MYO1C: variants seen among roughly 807,000 people sequenced by gnomAD.
The protein encoded by MYO1C is unconventional myosin-Ic.
A neutral mutation model predicts 150.8 loss-of-function variants in MYO1C; 104 were observed. The ratio of observed to expected loss-of-function variants is 0.69; its 90% CI spans 0.59 to 0.81. The LOEUF (loss-of-function observed/expected upper bound fraction) is 0.81. MYO1C is among the 30% of genes least tolerant of loss of function. The pLI, the probability that MYO1C is intolerant of heterozygous loss-of-function variation, is 0.00. For missense variants in MYO1C, 1,504 were observed against 1,435.0 expected (o/e 1.05, Z -0.78); for synonymous variants, 663 against 579.9 (o/e 1.14, Z -2.06).
At chr17:1,473,285 G>A (rs139093020) in intron 17 of MYO1C, among the ~76,000 whole-genome samples, 282 of 152,222 alleles carry the variant, frequency 1.9e-3, no homozygotes, top group African/African-American at 6.5e-3. Context: ...AGCCTGGAGG[G>A]GCAGACCAAG....
intron 19 of MYO1C, 64 bp from the exon 20 acceptor site, chr17:1,471,400 G>T (rs1598326207): frequency 9.9e-6 from 14 of 1,408,570 alleles, no homozygotes; most frequent in Non-Finnish European, 1.3e-5. Context: ...ACCCCAATCA[G>T]CTTTCTCTGG....
chr17:1,479,485 G>T lies in MYO1C; in HGVS notation c.1038C>A (p.Gly346=). 6.6e-7 allele frequency: 1 copy of T among 1,516,786 alleles called. No homozygotes were observed. The highest frequency in any genetic ancestry group is 2.4e-5 in the East Asian group (1 of 41,598). 94.0% of individuals were successfully genotyped at this position (1,516,786 alleles called of 1,614,324 possible). ...KYLTRLLSVE[G]STLREALTHR... ...GTGTCAGGGCTTCTCGCAGCGTCGA[G>T]CCTTCCACGCTGAGGAGCTGCCAAG... The change falls in exon 9 of 32, where the codon GGC becomes GGA. Residue 346 remains glycine (G), a synonymous_variant. Coordinates refer to ENST00000648651, the MANE Select transcript of MYO1C (RefSeq NM_001080779.2). The surrounding 1 kb of genome is among the most constrained non-coding windows in gnomAD (Gnocchi z 4.2).
chr17:1,471,270 C>T lies in MYO1C; in HGVS notation c.2088G>A (p.Val696=), dbSNP rs2074296986. 6.2e-7 allele frequency: 1 copy of T among 1,613,878 alleles called. No individual in the cohort carries two copies. Among genetic ancestry groups the T allele is most frequent in the Admixed American group, 1.7e-5 (1 of 60,004 alleles). ...WAGRPQDGVA[V]LVRHLGYKPE... is the part of the protein sequence containing the mutation. Reference sequence around the variant, plus strand: ...GCTTGTAGCCCAGGTGTCGGACCAGCACAGCCACCCCATCCTGCGGCCGTC... The same window carrying T: ...GCTTGTAGCCCAGGTGTCGGACCAGTACAGCCACCCCATCCTGCGGCCGTC... Residue 696 remains valine, a synonymous_variant, in exon 20 of 32, where the codon GTG becomes GTA. Coordinates refer to ENST00000648651, the MANE Select transcript of MYO1C (RefSeq NM_001080779.2).
chr17:1,473,496 C>T (rs1396210496), intron 17 of MYO1C, among the ~76,000 whole-genome samples: 1 of 135,632 alleles, frequency 7.4e-6, no homozygotes, highest in African/African-American at 2.5e-5. Context: ...GGCAGGGGCA[C>T]AGTGAGCCAC....
At position 1,465,526 on chromosome 17, in the gene MYO1C, C is replaced by T; in HGVS notation, c.*200G>A. On this transcript the variant is annotated 3_prime_UTR_variant, in exon 32 of 32. Transcript: ENST00000648651. ...GGCCCTGGCTTTCCTATTGCTGTGG[C>T]CCGGCCTGGCCCACTCCTGGGGTAG... 2.1e-6 allele frequency: 1 copy of T among 480,010 alleles called. No individual in the cohort carries two copies. Among genetic ancestry groups the T allele is most frequent in the Non-Finnish European group, 3.4e-6 (1 of 291,464 alleles). 29.7% of individuals were successfully genotyped at this position (480,010 alleles called of 1,614,324 possible).
At chr17:1,468,625 GA>G in intron 25 of MYO1C, 129 bp from the exon 26 acceptor site, 6 of 744,498 alleles carry the variant, frequency 8.1e-6, no homozygotes, top group Non-Finnish European at 1.4e-5. Context: ...TCAGCACCAG[GA>G]GGCTGAGCCC....
chr17:1,469,764 G>A, intron 24 of MYO1C, 150 bp from the exon 25 acceptor site: 2 of 758,808 alleles, frequency 2.6e-6, no homozygotes, highest in South Asian at 1.5e-5. Flanking sequence ...GCAGGGCGCG[G>A]TGGCTCACGC....
Position 1,471,226 on chromosome 17 carries a change from C to T in MYO1C, c.2132G>A (p.Gly711Asp). ...LGYKPEEYKM[G>D]RTKIFIRFPK... ...ACCCGGCACGGACACTACCCACCTG[C>T]CCATCTTGTACTCTTCTGGCTTGTA... is the stretch of plus-strand genomic sequence containing the variant. Residue 711 changes from glycine (G) to aspartate (D), a missense_variant, in exon 20 of 32, where the codon GGC becomes GAC. Gly to Asp is a moderately conservative substitution (Grantham distance 94). Transcript: ENST00000648651. 6.2e-7 allele frequency: 1 copy of T among 1,613,940 alleles called. No individual in the cohort carries two copies. The highest frequency in any genetic ancestry group is 8.5e-7 in the Non-Finnish European group (1 of 1,179,960).
chr17:1,471,334 T>C lies in MYO1C; in HGVS notation c.2024A>G (p.Tyr675Cys). ...CCACGTCTCTGGGCACAGTGACTTG[T>C]ACCTGGGGACAGGAATGCACGCGGC... ...RRKYEAFLQR[Y>C]KSLCPETWPT... The change falls in exon 20 of 32, where the codon TAC becomes TGC. Residue 675 changes from tyrosine (Y) to cysteine (C), a missense_variant and splice_region_variant. Physicochemically the swap from Tyr to Cys is radical, Grantham distance 194. Coordinates refer to ENST00000648651, the MANE Select transcript of MYO1C (RefSeq NM_001080779.2). 1 of 1,613,606 alleles carries C rather than the reference T, an allele frequency of 6.2e-7. No homozygotes were observed. The highest frequency in any genetic ancestry group is 8.5e-7 in the Non-Finnish European group (1 of 1,179,846).
At chr17:1,486,576 C>T (rs1231313687) in intron 1 of MYO1C, among the ~76,000 whole-genome samples, 1 of 150,574 alleles carries the variant, frequency 6.6e-6, no homozygotes, top group Non-Finnish European at 1.5e-5. Context: ...AGTTCAGTGG[C>T]GCGATCTCGG....
intron 24 of MYO1C, 85 bp from the exon 25 acceptor site, chr17:1,469,699 G>A (rs2074258681): frequency 9.1e-7 from 1 of 1,102,424 alleles, no homozygotes; most frequent in Non-Finnish European, 1.3e-6. Context: ...TGCATCCTTT[G>A]GATAAGTAAC....
chr17:1,484,143 C>G lies in MYO1C; in HGVS notation c.231+5G>C. The G allele has an allele frequency of 6.2e-7, 1 of 1,612,808 alleles. No homozygotes were observed. The highest frequency in any genetic ancestry group is 8.5e-7 in the Non-Finnish European group (1 of 1,180,014). ...ACCCCTGCCATCTCCCCACAAGGGC[C>G]TCACGTAGATGAGATTCTCCCGAAA... On this transcript the variant is annotated splice_donor_5th_base_variant and intron_variant, in intron 2 of 31. Transcript: ENST00000648651.
intron 19 of MYO1C, among the ~76,000 whole-genome samples, chr17:1,471,563 G>A (rs949330272): frequency 2.6e-5 from 4 of 152,136 alleles, no homozygotes; most frequent in Non-Finnish European, 4.4e-5. Flanking sequence ...GACCCCCCAG[G>A]CCCCCGACTC....
At chr17:1,476,890 G>C (rs2074412271) in intron 14 of MYO1C, among the ~76,000 whole-genome samples, 1 of 151,904 alleles carries the variant, frequency 6.6e-6, no homozygotes, top group African/African-American at 2.4e-5. Flanking sequence ...TCAGGCTGGA[G>C]GGCAGTGGTG....
chr17:1,485,446 GC>G (rs2074632490), intron 1 of MYO1C: 1 of 762,396 alleles, frequency 1.3e-6, no homozygotes, highest in Non-Finnish European at 1.7e-6. Context: ...CGCGGTCCCC[GC>G]CCCCTCGCCC....
chr17:1,466,594 C>T (rs567421587), intron 31 of MYO1C, among the ~76,000 whole-genome samples: 7 of 150,356 alleles, frequency 4.7e-5, no homozygotes, highest in Admixed American at 2.7e-4. Flanking sequence ...TCCCAAAGTG[C>T]TGGGATTACA....
intron 14 of MYO1C, among the ~76,000 whole-genome samples, chr17:1,475,830 C>T (rs2074393774): frequency 6.6e-6 from 1 of 152,180 alleles, no homozygotes; most frequent in Admixed American, 6.5e-5. Context: ...CCCCGAAGGG[C>T]TGGGTGAGAG....
chr17:1,485,249 A>T lies in MYO1C; in HGVS notation c.76-946T>A, dbSNP rs2074627689. On this transcript the variant is annotated intron_variant, in intron 1 of 31. Coordinates refer to ENST00000648651, the MANE Select transcript of MYO1C (RefSeq NM_001080779.2). ...CAAACAGGGTCTCAGGGCTCCAAAA[A>T]ATGGACACCCAGAGTATCCAGGGTC... 22 of 1,160,302 alleles carry T rather than the reference A, an allele frequency of 1.9e-5. No individual in the cohort carries two copies. In the South Asian group the frequency reaches 2.0e-4, roughly 11 times the overall value. 71.9% of individuals were successfully genotyped at this position (1,160,302 alleles called of 1,614,324 possible). A position where few individuals can be genotyped will look rare whatever the true frequency, so the allele number is the denominator to read the frequency against.
At chr17:1,482,447 G>A in intron 5 of MYO1C, 31 bp downstream of exon 5, 2 of 1,594,054 alleles carry the variant, frequency 1.3e-6, no homozygotes, top group South Asian at 2.2e-5. Flanking sequence ...CTACTGAATG[G>A]GAATCCTCAC....
Sources: allele counts gnomAD v4.1 joint callset (sites outside exome capture counted in the v4.1 genomes callset), GRCh38; gene constraint gnomAD v4.1.1; non-coding constraint Gnocchi (gnomAD v3.1); transcripts MANE v1.5; gene names NCBI Gene and HGNC (gene_info 2026-07-23, HGNC 2026-07-21).